UBE3A: variants seen among roughly 807,000 people sequenced by gnomAD.
UBE3A encodes ubiquitin protein ligase E3A.
A neutral mutation model predicts 83.4 loss-of-function variants in UBE3A; 6 were observed. That is an observed-to-expected ratio of 0.07 (90% CI 0.04 to 0.14). The LOEUF (loss-of-function observed/expected upper bound fraction) is 0.14. Among genes scored for constraint, UBE3A ranks in the 10% least tolerant of loss-of-function variants. UBE3A has a pLI of 1.00. For missense variants in UBE3A, 456 were observed against 1,036.1 expected (o/e 0.44, Z 7.69); for synonymous variants, 337 against 355.4 (o/e 0.95, Z 0.58).
chr15:25,341,953 A>G (rs1193549886), intron 11 of UBE3A, among the ~76,000 whole-genome samples: 1 of 152,130 alleles, frequency 6.6e-6, no homozygotes, highest in Non-Finnish European at 1.5e-5. Context: ...AAATAACTTA[A>G]AAGTTTTATT....
Position 25,339,498 on chromosome 15 carries a change from A to G in UBE3A, c.2499-241T>C, listed in dbSNP as rs1293585100. The G allele has an allele frequency of 3.5e-5, 13 of 373,786 alleles. No homozygotes were observed. In the South Asian group the frequency reaches 3.8e-4, roughly 11 times the overall value. 23.2% of individuals were successfully genotyped at this position (373,786 alleles called of 1,614,324 possible). A position where few individuals can be genotyped will look rare whatever the true frequency, so the allele number is the denominator to read the frequency against. On this transcript the variant is annotated intron_variant, in intron 12 of 12. Coordinates refer to ENST00000648336, the MANE Select transcript of UBE3A (RefSeq NM_130839.5). ...CCATTGAGTTTTTACTACATAACAG[A>G]TACCATTTTAGGTACTGAATTCTTA...
At chr15:25,395,342 A>G (rs2085313026) in intron 4 of UBE3A, among the ~76,000 whole-genome samples, 1 of 152,230 alleles carries the variant, frequency 6.6e-6, no homozygotes, top group African/African-American at 2.4e-5. Context: ...CTGCTACTAG[A>G]GAATACACTG....
intron 4 of UBE3A, among the ~76,000 whole-genome samples, chr15:25,392,013 G>A (rs564828855): frequency 2.4e-4 from 36 of 152,182 alleles, no homozygotes; most frequent in South Asian, 1.5e-3. Flanking sequence ...CTCAAAAACC[G>A]AGAAGAAACT....
In UBE3A at chr15:25,394,501, C is replaced by T. The variant is rs1236782067; in HGVS notation, c.62+10960G>A. ...GAAAATATTTCAGTATGTTACTTGA[C>T]CCATAAATGCTTATAGATGTGTAAG... On this transcript the variant is annotated intron_variant, in intron 4 of 12. Transcript: ENST00000648336. Among the ~76,000 whole-genome samples the T allele has an allele frequency of 3.9e-5, 6 of 152,116 alleles. No homozygotes were observed. The East Asian group carries it at 9.6e-4, about 24-fold the overall frequency.
intron 6 of UBE3A, among the ~76,000 whole-genome samples, chr15:25,364,645 G>GTTTTTTTTTTTTTT (rs759514427): frequency 1.0e-5 from 1 of 97,642 alleles, no homozygotes. Context: ...TTTTTTGTTT[G>GTTTTTTTTTTTTTT]TTTTTTTTTT....
intron 1 of UBE3A, among the ~76,000 whole-genome samples, chr15:25,413,618 G>A (rs2090385129): frequency 6.6e-6 from 1 of 152,056 alleles, no homozygotes; most frequent in Admixed American, 6.6e-5. Flanking sequence ...AATAATACTT[G>A]CAACATAATT....
intron 1 of UBE3A, among the ~76,000 whole-genome samples, chr15:25,434,009 T>C (rs1300788903): frequency 6.6e-6 from 1 of 152,116 alleles, no homozygotes; most frequent in Non-Finnish European, 1.5e-5. Context: ...CTGCAATGAG[T>C]TATGACAGCA....
chr15:25,396,604 T>A (rs1242315429), intron 4 of UBE3A, among the ~76,000 whole-genome samples: 1 of 152,114 alleles, frequency 6.6e-6, no homozygotes, highest in East Asian at 1.9e-4. Context: ...GCTGTATCAC[T>A]TATGACAGAG....
chr15:25,422,606 A>C (rs1297534302), intron 1 of UBE3A, among the ~76,000 whole-genome samples: 1 of 152,106 alleles, frequency 6.6e-6, no homozygotes, highest in African/African-American at 2.4e-5. Context: ...CCATATCCAA[A>C]AATATGCTGA....
rs989228882 is a variant in UBE3A at position 25,337,682 on chromosome 15, A to G, written c.*1455T>C. The stretch of plus-strand genomic sequence containing the variant: ...TGATCTACAGTAATCAGTTAAAACA[A>G]TCAGTCAATCAATCAATCAATCACC... On this transcript the variant is annotated 3_prime_UTR_variant, in exon 13 of 13. Transcript: ENST00000648336. 3 of 151,368 alleles carry G rather than the reference A, an allele frequency of 2.0e-5. No individual in the cohort carries two copies. The highest frequency in any genetic ancestry group is 4.9e-5 in the African/African-American group (2 of 40,722). The allele number at this position is 151,368 out of a possible 1,614,324, so 9.4% of individuals were successfully genotyped here.
intron 6 of UBE3A, among the ~76,000 whole-genome samples, chr15:25,364,154 T>C (rs1046107037): frequency 6.6e-6 from 1 of 151,968 alleles, no homozygotes; most frequent in East Asian, 1.9e-4. Context: ...CTGCAGTCAG[T>C]AGAGATCGTG....
Position 25,339,023 on chromosome 15 carries a change from G to C in UBE3A, c.*114C>G. ...TGGTTGACTATCTTACAGCCTTTTT[G>C]TACTGGGACACTATCACCACCAAAA... On this transcript the variant is annotated 3_prime_UTR_variant, in exon 13 of 13. Coordinates refer to ENST00000648336, the MANE Select transcript of UBE3A (RefSeq NM_130839.5). 8.1e-7 allele frequency: 1 copy of C among 1,236,706 alleles called. No individual in the cohort carries two copies. The highest frequency in any genetic ancestry group is 1.1e-6 in the Non-Finnish European group (1 of 933,118). The allele number at this position is 1,236,706 out of a possible 1,614,324, so 76.6% of individuals were successfully genotyped here.
chr15:25,412,304 A>G (rs1277909669), intron 1 of UBE3A, among the ~76,000 whole-genome samples: 2 of 152,204 alleles, frequency 1.3e-5, no homozygotes, highest in Non-Finnish European at 2.9e-5. Flanking sequence ...ATCCTTTCAA[A>G]TACCTATAGC....
chr15:25,398,167 C>CAAAAAAAAAAAAAAAA (rs71127052), intron 4 of UBE3A, among the ~76,000 whole-genome samples: 1 of 99,212 alleles, frequency 1.0e-5, no homozygotes, highest in African/African-American at 5.4e-5. Context: ...GACTCTGTCT[C>CAAAAAAAAAAAAAAAA]AAAAAAAAAA....
intron 4 of UBE3A, among the ~76,000 whole-genome samples, chr15:25,381,205 T>A (rs969485966): frequency 6.6e-6 from 1 of 152,220 alleles, no homozygotes; most frequent in Admixed American, 6.5e-5. Flanking sequence ...TTGTGTTCAA[T>A]GTTTTTTTAG....
chr15:25,430,379 G>A lies in UBE3A; in HGVS notation c.-165+8110C>T, dbSNP rs1387365354. 2.1e-5 allele frequency among the ~76,000 whole-genome samples: 3 copies of A among 140,848 alleles called. No individual in the cohort carries two copies. In the Admixed American group the frequency reaches 2.2e-4, roughly 11 times the overall value. The allele number at this position is 140,848 out of a possible 152,430, so 92.4% of individuals were successfully genotyped here. A position where few individuals can be genotyped will look rare whatever the true frequency, so the allele number is the denominator to read the frequency against. On this transcript the variant is annotated intron_variant, in intron 1 of 12. Coordinates refer to ENST00000648336, the MANE Select transcript of UBE3A (RefSeq NM_130839.5). ...ATACTATTGTAGCAGGGCAATTTTG[G>A]ACAAATACTAGGTTATCTGAAACAG...
At chr15:25,375,802 A>T (rs776458837) in intron 4 of UBE3A, 39 bp from the exon 5 acceptor site, 1 of 1,600,740 alleles carries the variant, frequency 6.2e-7, no homozygotes, top group Non-Finnish European at 8.5e-7. Context: ...AGTGATTAGT[A>T]CAGCTCTCAA....
intron 4 of UBE3A, among the ~76,000 whole-genome samples, chr15:25,397,501 C>G (rs182074601): frequency 6.6e-6 from 1 of 152,186 alleles, no homozygotes; most frequent in South Asian, 2.1e-4. Context: ...TAGGCTATCC[C>G]CCATCTTCAA....
At chr15:25,373,363 C>A (rs2080627918) in intron 5 of UBE3A, among the ~76,000 whole-genome samples, 1 of 152,134 alleles carries the variant, frequency 6.6e-6, no homozygotes, top group African/African-American at 2.4e-5. Flanking sequence ...TAGGGATCAC[C>A]ATTCTAGACT....
Sources: allele counts gnomAD v4.1 joint callset (sites outside exome capture counted in the v4.1 genomes callset), GRCh38; gene constraint gnomAD v4.1.1; transcripts MANE v1.5; gene names NCBI Gene and HGNC (gene_info 2026-07-23, HGNC 2026-07-21).